The following CHRNA6 variants were observed in gnomAD, a reference collection of about 807,000 sequenced individuals.
CHRNA6 encodes the protein cholinergic receptor nicotinic alpha 6 subunit, also known as neuronal acetylcholine receptor subunit alpha-6.
In CHRNA6, 31 loss-of-function variants were observed where a neutral mutation model predicts 40.9. That is an observed-to-expected ratio of 0.76 (90% confidence interval 0.57 to 1.02). The LOEUF is 1.02. CHRNA6 is among the 50% of genes least tolerant of loss of function. The pLI, the probability that CHRNA6 is intolerant of heterozygous loss-of-function variation, is 0.00. For missense variants in CHRNA6, 546 were observed against 596.6 expected (o/e 0.92, Z 0.88); for synonymous variants, 222 against 221.3 (o/e 1.00, Z -0.03).
Position 42,756,247 on chromosome 8 carries a change from T to G in CHRNA6, c.952A>C (p.Ile318Leu). The change falls in exon 5 of 6, where the codon ATC becomes CTC. Residue 318 changes from isoleucine (I) to leucine (L), a missense_variant. Coordinates refer to ENST00000276410, the MANE Select transcript of CHRNA6 (RefSeq NM_004198.3). ...TTCAACACAAACACAGTCACCACGA[T>G]GGACAGTGTGACAAAGATCATGGTG... ...LFTMIFVTLS[I>L]VVTVFVLNIH... 6.2e-7 allele frequency: 1 copy of G among 1,614,240 alleles called. No homozygotes were observed. Among genetic ancestry groups the G allele is most frequent in the Non-Finnish European group, 8.5e-7 (1 of 1,180,036 alleles).
chr8:42,760,085 C>T (rs1488069686), intron 2 of CHRNA6, among the ~76,000 whole-genome samples: 1 of 152,156 alleles, frequency 6.6e-6, no homozygotes, highest in East Asian at 1.9e-4. Flanking sequence ...CTTCATGTGT[C>T]TTAGCTGTTA....
At chr8:42,764,287 A>G (rs979293749) in intron 2 of CHRNA6, among the ~76,000 whole-genome samples, 1 of 152,000 alleles carries the variant, frequency 6.6e-6, no homozygotes, top group Non-Finnish European at 1.5e-5. Flanking sequence ...TTTTTTTCCC[A>G]AGGCTGAATG....
At chr8:42,755,217 A>C in intron 5 of CHRNA6, among the ~76,000 whole-genome samples, 1 of 143,858 alleles carries the variant, frequency 7.0e-6, no homozygotes, top group Admixed American at 7.0e-5. Context: ...TCAGGGTCTC[A>C]CTATGTTGCC....
intron 2 of CHRNA6, among the ~76,000 whole-genome samples, chr8:42,761,315 C>T (rs1446748841): frequency 2.6e-5 from 4 of 152,206 alleles, no homozygotes; most frequent in East Asian, 3.8e-4. Context: ...CACAAGCCTG[C>T]GGTCATGCCT....
chr8:42,758,602 G>A (rs1272350225), intron 3 of CHRNA6, among the ~76,000 whole-genome samples: 1 of 152,142 alleles, frequency 6.6e-6, no homozygotes, highest in South Asian at 2.1e-4. Flanking sequence ...GACCTCAGGT[G>A]ATCCGCCCAC....
chr8:42,753,069 T>G lies in CHRNA6; in HGVS notation c.*110A>C. 1.0e-6 allele frequency: 1 copy of G among 990,902 alleles called. No homozygotes were observed. Among genetic ancestry groups the G allele is most frequent in the Non-Finnish European group, 1.5e-6 (1 of 668,974 alleles). 61.4% of individuals were successfully genotyped at this position (990,902 alleles called of 1,614,324 possible). A position where few individuals can be genotyped will look rare whatever the true frequency, so the allele number is the denominator to read the frequency against. ...CTCTTTTTCCATGTAGCCATCAGTT[T>G]TAGCAGATGGGGGACTTGGGTGGGA... On this transcript the variant is annotated 3_prime_UTR_variant, in exon 6 of 6. Transcript: ENST00000276410.
Position 42,768,410 on chromosome 8 carries a change from C to T in CHRNA6, c.21G>A (p.Gln7=). The T allele has an allele frequency of 6.2e-7, 1 of 1,613,986 alleles. No individual in the cohort carries two copies. Among genetic ancestry groups the T allele is most frequent in the South Asian group, 1.1e-5 (1 of 91,068 alleles). MLTSKG[Q]GFLHGGLCLW... ...GACACAAGCCCCCATGAAGGAATCC[C>T]TGCCCCTTGCTGGTCAGCATGGTTA... Residue 7 remains glutamine, a synonymous_variant, in exon 1 of 6, where the codon CAG becomes CAA. Coordinates refer to ENST00000276410, the MANE Select transcript of CHRNA6 (RefSeq NM_004198.3).
chr8:42,756,729 G>A lies in CHRNA6; in HGVS notation c.470C>T (p.Ser157Phe), dbSNP rs775552140. ...TWTPPAIFKS[S>F]CPMDITFFPF... ...GAAAAAGGTGATATCCATAGGGCAG[G>A]AACTCTTAAAAATAGCTGGTGGAGT... Residue 157 changes from serine to phenylalanine, a missense_variant, in exon 5 of 6, where the codon TCC becomes TTC. Around this residue, in one of 3 missense-constraint regions of CHRNA6, gnomAD observed 476 missense variants for 494.5 expected, o/e 0.96. Transcript: ENST00000276410. The A allele has an allele frequency of 6.2e-7, 1 of 1,613,954 alleles. No individual in the cohort carries two copies. Among genetic ancestry groups the A allele is most frequent in the Non-Finnish European group, 8.5e-7 (1 of 1,179,988 alleles).
Position 42,768,464 on chromosome 8 carries a change from C to A in CHRNA6, c.-34G>T. On this transcript the variant is annotated 5_prime_UTR_variant, in exon 1 of 6. Coordinates refer to ENST00000276410, the MANE Select transcript of CHRNA6 (RefSeq NM_004198.3). ...CACACTTGGATTCCTTTTTCCTAGGCAAAGGATTGTGGAAAACAAAGAGCT... is the reference window on the plus strand; with the variant it reads ...CACACTTGGATTCCTTTTTCCTAGGAAAAGGATTGTGGAAAACAAAGAGCT... 1 of 1,563,242 alleles carries A rather than the reference C, an allele frequency of 6.4e-7. No individual in the cohort carries two copies. Among genetic ancestry groups the A allele is most frequent in the Non-Finnish European group, 8.8e-7 (1 of 1,134,336 alleles).
chr8:42,759,768 C>T (rs558393198), intron 2 of CHRNA6, among the ~76,000 whole-genome samples: 44 of 152,018 alleles, frequency 2.9e-4, no homozygotes, highest in East Asian at 3.9e-4. Flanking sequence ...GGTGTGGTGG[C>T]GGGCGCCTGT....
intron 2 of CHRNA6, among the ~76,000 whole-genome samples, chr8:42,761,236 G>A (rs1228549851): frequency 6.6e-6 from 1 of 152,252 alleles, no homozygotes; most frequent in East Asian, 1.9e-4. Context: ...ATGGGTTCCT[G>A]TAGTCCCAGG....
chr8:42,761,550 C>T (rs1427836138), intron 2 of CHRNA6, among the ~76,000 whole-genome samples: 1 of 152,248 alleles, frequency 6.6e-6, no homozygotes, highest in East Asian at 1.9e-4. Context: ...AACTCCACAG[C>T]CTCACTTCCG....
rs1232772490 is a variant in CHRNA6, at chr8:42,758,372, TG to T, written c.264+696del. On this transcript the variant is annotated intron_variant, in intron 3 of 5. Transcript: ENST00000276410. ...TTTCTGTTTTTTTTTTGTTTTGTTT[TG>T]TTTTCAAGACAGAGTCTCGCTCTGT... 3.5e-3 allele frequency among the ~76,000 whole-genome samples: 530 copies of T among 152,104 alleles called. 3 individuals are homozygous for T. The highest frequency in any genetic ancestry group is 0.012 in the African/African-American group (500 of 41,472).
rs150905175 is a variant in CHRNA6 at position 42,760,385 on chromosome 8, C to T, written c.220-1272G>A. Among the ~76,000 whole-genome samples, 7 of 152,204 alleles carry T rather than the reference C, an allele frequency of 4.6e-5. No homozygotes were observed. The East Asian group carries it at 1.4e-3, about 29-fold the overall frequency. ...AATCATGCAAACTCATATACCCACT[C>T]ATGAATTCTCATACACATTCGTACT... On this transcript the variant is annotated intron_variant, in intron 2 of 5. Transcript: ENST00000276410.
At chr8:42,760,051 T>A (rs1297092810) in intron 2 of CHRNA6, among the ~76,000 whole-genome samples, 2 of 152,164 alleles carry the variant, frequency 1.3e-5, no homozygotes, top group South Asian at 2.1e-4. Flanking sequence ...AATACAGCAA[T>A]AAGAAGTTGG....
intron 2 of CHRNA6, among the ~76,000 whole-genome samples, chr8:42,762,885 G>A (rs1424274473): frequency 2.0e-5 from 3 of 152,164 alleles, no homozygotes; most frequent in Non-Finnish European, 4.4e-5. Context: ...AACAGGCAGA[G>A]TCTACAAGGG....
At chr8:42,758,323 T>A (rs1259797268) in intron 3 of CHRNA6, among the ~76,000 whole-genome samples, 2 of 151,962 alleles carry the variant, frequency 1.3e-5, no homozygotes, top group African/African-American at 2.4e-5. Context: ...TAAAAAAAAA[T>A]CTGTATAAAC....
At chr8:42,767,030 T>C (rs1037178124) in intron 1 of CHRNA6, among the ~76,000 whole-genome samples, 19 of 152,234 alleles carry the variant, frequency 1.2e-4, no homozygotes, top group African/African-American at 4.6e-4. Context: ...TGCAGTGGCA[T>C]GATCTCGGCT....
intron 2 of CHRNA6, among the ~76,000 whole-genome samples, chr8:42,759,718 T>TGAAA (rs1371406990): frequency 6.6e-6 from 1 of 151,982 alleles, no homozygotes; most frequent in African/African-American, 2.4e-5. Context: ...GCCAATATGG[T>TGAAA]GAAACCCCGT....
Sources: gnomAD v4.1 joint callset for allele counts (sites outside exome capture counted in the v4.1 genomes callset) on GRCh38, gnomAD v4.1.1 for gene constraint, gnomAD v4.1.1 regional missense constraint, MANE v1.5 for transcripts, NCBI Gene and HGNC (gene_info 2026-07-23, HGNC 2026-07-21) for gene names.